SLC9A3: variants seen among roughly 807,000 people sequenced by gnomAD.
The protein encoded by SLC9A3 is sodium/hydrogen exchanger 3.
A neutral mutation model predicts 86.8 loss-of-function variants in SLC9A3; 37 were observed. The observed-to-expected ratio is 0.43, with a 90% CI of 0.33 to 0.56. SLC9A3 has a LOEUF of 0.56. Among genes scored for constraint, SLC9A3 ranks in the 20% least tolerant of loss-of-function variants. The probability of loss-of-function intolerance (pLI) is 0.06; values close to 1 mark genes in which losing one functional copy is unlikely to be tolerated. For missense variants in SLC9A3, 1,011 were observed against 1,171.9 expected (o/e 0.86, Z 2.00); for synonymous variants, 581 against 528.3 (o/e 1.10, Z -1.37).
At chr5:508,718 C>A (rs750138674) in intron 1 of SLC9A3, among the ~76,000 whole-genome samples, 2 of 152,216 alleles carry the variant, frequency 1.3e-5, no homozygotes, top group Non-Finnish European at 2.9e-5. Flanking sequence ...CGCCCCCACG[C>A]CGTAAAGGAC....
At chr5:477,073 C>T (rs1032705529) in intron 11 of SLC9A3, 8 of 505,226 alleles carry the variant, frequency 1.6e-5, no homozygotes, top group East Asian at 1.3e-4. Context: ...CAGGCTGCTG[C>T]GGGCCAGGGG....
At chr5:482,501 C>G (rs747460369) in intron 7 of SLC9A3, 47 bp downstream of exon 7, 3 of 1,511,922 alleles carry the variant, frequency 2.0e-6, no homozygotes, top group Non-Finnish European at 2.7e-6. Context: ...CCAGGCTCCC[C>G]TCGCGGGCGG....
In SLC9A3 at chr5:491,407, C is replaced by T. The variant is rs889999581; in HGVS notation, c.514+362G>A. Among the ~76,000 whole-genome samples the T allele has an allele frequency of 2.6e-5, 4 of 152,136 alleles. No individual in the cohort carries two copies. The highest frequency in any genetic ancestry group is 2.9e-5 in the Non-Finnish European group (2 of 68,008). On this transcript the variant is annotated intron_variant, in intron 2 of 16. Transcript: ENST00000264938. This position sits in a 1 kb window ranked among gnomAD's most constrained non-coding sequence, Gnocchi z 9.2. ...CACACAGGCTGGGAGGGACGGTGCC[C>T]GATACACCAGGCTCTGCAGTCCTCC...
chr5:511,904 A>G (rs1733557484), intron 1 of SLC9A3, among the ~76,000 whole-genome samples: 1 of 152,272 alleles, frequency 6.6e-6, no homozygotes, highest in South Asian at 2.1e-4. Flanking sequence ...GGATAGATCC[A>G]GACAGTGGAA....
intron 1 of SLC9A3, among the ~76,000 whole-genome samples, chr5:517,844 T>A (rs1733780429): frequency 7.0e-6 from 1 of 142,136 alleles, no homozygotes. Context: ...CATCCACTCA[T>A]CCACCCATCT....
In SLC9A3 at chr5:476,355, G is replaced by C. The variant is rs764331870; in HGVS notation, c.1914C>G (p.His638Gln). 12 of 1,613,724 alleles carry C rather than the reference G, an allele frequency of 7.4e-6. No homozygotes were observed. The highest frequency in any genetic ancestry group is 6.7e-5 in the Admixed American group (4 of 60,012). The change falls in exon 13 of 17, where the codon CAC becomes CAG. Residue 638 changes from histidine (H) to glutamine (Q), a missense_variant. This residue lies in a region of SLC9A3 where 397 missense variants were observed against 346.3 expected (regional missense o/e 1.15). Coordinates refer to ENST00000264938, the MANE Select transcript of SLC9A3 (RefSeq NM_004174.4). ...TCTCGTCCTCCGTGGGCGTGAGCTC[G>C]TGTCGGCTGTACAGATGCTTGTACT... Reference protein sequence around the residue: ...RQEYKHLYSRHELTPTEDEKQ... With the variant: ...RQEYKHLYSRQELTPTEDEKQ...
At chr5:512,199 C>T (rs980600927) in intron 1 of SLC9A3, among the ~76,000 whole-genome samples, 1 of 152,152 alleles carries the variant, frequency 6.6e-6, no homozygotes, top group East Asian at 1.9e-4. Flanking sequence ...TCGTTGTACC[C>T]ATGTCCAAAC....
chr5:521,668 G>A (rs192882900), intron 1 of SLC9A3, among the ~76,000 whole-genome samples: 4 of 152,196 alleles, frequency 2.6e-5, no homozygotes, highest in African/African-American at 4.8e-5. Flanking sequence ...ACCCCAGTCC[G>A]GGGGCTGTGG....
chr5:508,514 G>C (rs1404013303), intron 1 of SLC9A3, among the ~76,000 whole-genome samples: 1 of 145,584 alleles, frequency 6.9e-6, no homozygotes, highest in African/African-American at 2.6e-5. Flanking sequence ...ATGCCGCAGG[G>C]AGACACAGCC....
chr5:500,875 A>T (rs866918503), intron 1 of SLC9A3, among the ~76,000 whole-genome samples: 6 of 59,542 alleles, frequency 1.0e-4, no homozygotes, highest in African/African-American at 4.5e-4. Flanking sequence ...GTGTGGACAC[A>T]GAGTCAGTGT....
chr5:515,022 A>G (rs1335790777), intron 1 of SLC9A3, among the ~76,000 whole-genome samples: 2 of 152,068 alleles, frequency 1.3e-5, no homozygotes, highest in Admixed American at 6.5e-5. Context: ...GATGCACTCA[A>G]AGGCCGCCCT....
Position 471,777 on chromosome 5 carries a change from T to C in SLC9A3, c.*1602A>G, listed in dbSNP as rs1326795198. 4.4e-6 allele frequency: 2 copies of C among 456,494 alleles called. No homozygotes were observed. Among genetic ancestry groups the C allele is most frequent in the Non-Finnish European group, 8.8e-6 (2 of 226,920 alleles). The allele number at this position is 456,494 out of a possible 1,614,324, so 28.3% of individuals were successfully genotyped here. On this transcript the variant is annotated 3_prime_UTR_variant, in exon 17 of 17. Coordinates refer to ENST00000264938, the MANE Select transcript of SLC9A3 (RefSeq NM_004174.4). ...AGTGACTGCAGTTAGGGTCGAGAGC[T>C]TCTCCGAAGCAGCGGTCATGCAGGC...
At chr5:489,401 TG>T (rs1202935298) in intron 2 of SLC9A3, among the ~76,000 whole-genome samples, 3 of 152,110 alleles carry the variant, frequency 2.0e-5, no homozygotes, top group African/African-American at 4.8e-5. Context: ...ACCACCCCTC[TG>T]GGCTGAGGCT....
At chr5:517,583 T>C (rs1417960996) in intron 1 of SLC9A3, among the ~76,000 whole-genome samples, 10 of 131,438 alleles carry the variant, frequency 7.6e-5, no homozygotes, top group African/African-American at 2.3e-4. Context: ...CCCATCCACC[T>C]ATCCATCCAT....
At chr5:485,312 GGCCCGAGTGTGGA>G in intron 3 of SLC9A3, 81 bp from the exon 4 acceptor site, 1 of 1,169,758 alleles carries the variant, frequency 8.5e-7, no homozygotes, top group Non-Finnish European at 1.3e-6. Context: ...CGCTGGACTT[GGCCCGAGTGTGGA>G]GCCCATGGCA....
At chr5:477,762 G>T (rs1171135874) in intron 10 of SLC9A3, 3 of 293,520 alleles carry the variant, frequency 1.0e-5, no homozygotes, top group Non-Finnish European at 1.3e-5. Flanking sequence ...TCTGGGGAAA[G>T]TGTTGATACT....
In SLC9A3 at chr5:471,980, G is replaced by C; in HGVS notation, c.*1399C>G. The C allele has an allele frequency of 2.2e-6, 1 of 456,646 alleles. No homozygotes were observed. Among genetic ancestry groups the C allele is most frequent in the Non-Finnish European group, 4.4e-6 (1 of 226,972 alleles). 28.3% of individuals were successfully genotyped at this position (456,646 alleles called of 1,614,324 possible). ...CAACACTTGATCTGAAACGTGAATA[G>C]TTTAATTTTCCTGAGCAAGGAGCTG... On this transcript the variant is annotated 3_prime_UTR_variant, in exon 17 of 17. Coordinates refer to ENST00000264938, the MANE Select transcript of SLC9A3 (RefSeq NM_004174.4).
At position 472,055 on chromosome 5, in the gene SLC9A3, CA is replaced by C. The variant is rs1738385908; in HGVS notation, c.*1323del. The C allele has an allele frequency of 2.2e-6, 1 of 454,334 alleles. No individual in the cohort carries two copies. Among genetic ancestry groups the C allele is most frequent in the Non-Finnish European group, 4.4e-6 (1 of 225,442 alleles). The allele number at this position is 454,334 out of a possible 1,614,324, so 28.1% of individuals were successfully genotyped here. A position where few individuals can be genotyped will look rare whatever the true frequency, so the allele number is the denominator to read the frequency against. On this transcript the variant is annotated 3_prime_UTR_variant, in exon 17 of 17. Coordinates refer to ENST00000264938, the MANE Select transcript of SLC9A3 (RefSeq NM_004174.4). The stretch of plus-strand genomic sequence containing the variant: ...TAGGAGTGTCCACCTCCACCACTTC[CA>C]CCGTGCAGGCAGGTTTCAGGTGGGT...
chr5:482,670 C>G lies in SLC9A3; in HGVS notation c.1234G>C (p.Gly412Arg). 1 of 1,612,552 alleles carries G rather than the reference C, an allele frequency of 6.2e-7. No individual in the cohort carries two copies. Among genetic ancestry groups the G allele is most frequent in the African/African-American group, 1.3e-5 (1 of 74,962 alleles). The change falls in exon 7 of 17, where the codon GGG becomes CGG. Residue 412 changes from glycine (G) to arginine (R), a missense_variant. Around this residue, in one of 3 missense-constraint regions of SLC9A3, gnomAD observed 565 missense variants for 790.0 expected, o/e 0.72. Coordinates refer to ENST00000264938, the MANE Select transcript of SLC9A3 (RefSeq NM_004174.4). ...AAGGCCACGGCCCCGCGCAGGCCCC[C>G]GTAGGACAGGACCACCTGGTCAATG... ...EPIDQVVLSY[G>R]GLRGAVAFAL...
Sources: gnomAD v4.1 joint callset for allele counts (sites outside exome capture counted in the v4.1 genomes callset) on GRCh38, gnomAD v4.1.1 for gene constraint, gnomAD v4.1.1 regional missense constraint, Gnocchi (gnomAD v3.1) non-coding constraint, MANE v1.5 for transcripts, NCBI Gene and HGNC (gene_info 2026-07-23, HGNC 2026-07-21) for gene names.